The following VPS13B variants were observed in gnomAD, a reference collection of about 807,000 sequenced individuals.
VPS13B encodes the protein intermembrane lipid transfer protein VPS13B.
VPS13B carries 285 observed loss-of-function variants against 426.4 expected under a neutral mutation model. That is an observed-to-expected ratio of 0.67 (90% CI 0.61 to 0.74). VPS13B has a LOEUF of 0.74. Ranked by LOEUF, VPS13B falls within the 30% of genes least tolerant of loss-of-function variation. VPS13B has a pLI of 0.00. For missense variants in VPS13B, 4,537 were observed against 4,782.6 expected (o/e 0.95, Z 1.51); for synonymous variants, 1,676 against 1,676.4 (o/e 1.00, Z 0.01).
intron 17 of VPS13B, among the ~76,000 whole-genome samples, chr8:99,251,211 C>A (rs1817491008): frequency 6.6e-6 from 1 of 152,184 alleles, no homozygotes; most frequent in Non-Finnish European, 1.5e-5. Context: ...GGTTGAATAA[C>A]AGCAGTGACA....
At chr8:99,277,893 C>G (rs573494858) in intron 19 of VPS13B, among the ~76,000 whole-genome samples, 2 of 152,246 alleles carry the variant, frequency 1.3e-5, no homozygotes, top group East Asian at 3.9e-4. Context: ...AATGAATAAG[C>G]AAGTAACTGA....
At chr8:99,687,166 G>C (rs1831448647) in intron 35 of VPS13B, among the ~76,000 whole-genome samples, 1 of 151,986 alleles carries the variant, frequency 6.6e-6, no homozygotes, top group African/African-American at 2.4e-5. Flanking sequence ...TGGGAGCTAG[G>C]GACTAGAATG....
At chr8:99,812,054 A>G (rs1395687017) in intron 44 of VPS13B, among the ~76,000 whole-genome samples, 3 of 152,192 alleles carry the variant, frequency 2.0e-5, no homozygotes, top group Non-Finnish European at 2.9e-5. Context: ...TAATATATAC[A>G]GTGTTCCTGC....
At chr8:99,645,310 A>G (rs1829537764) in intron 34 of VPS13B, among the ~76,000 whole-genome samples, 1 of 152,226 alleles carries the variant, frequency 6.6e-6, no homozygotes, top group South Asian at 2.1e-4. Context: ...GAGATAATTC[A>G]TGAATAATTC....
intron 17 of VPS13B, among the ~76,000 whole-genome samples, chr8:99,246,420 C>G (rs1042375946): frequency 1.3e-5 from 2 of 152,090 alleles, no homozygotes; most frequent in African/African-American, 4.8e-5. Flanking sequence ...GTTTTTGATT[C>G]GAATGCAGTA....
At chr8:99,807,677 T>TTGTGTGTGTG (rs144674961) in intron 43 of VPS13B, among the ~76,000 whole-genome samples, 39 of 146,272 alleles carry the variant, frequency 2.7e-4, no homozygotes, top group South Asian at 8.8e-4. Context: ...CAGGGTGTGT[T>TTGTGTGTGTG]TGTGTGTGTG....
chr8:99,383,163 A>T (rs915435605), intron 19 of VPS13B, among the ~76,000 whole-genome samples: 1 of 152,150 alleles, frequency 6.6e-6, no homozygotes, highest in African/African-American at 2.4e-5. Context: ...AGGGACAAAA[A>T]TAGGTTAGTT....
At chr8:99,550,294 G>A (rs1178171082) in intron 30 of VPS13B, among the ~76,000 whole-genome samples, 1 of 151,938 alleles carries the variant, frequency 6.6e-6, no homozygotes, top group Non-Finnish European at 1.5e-5. Flanking sequence ...TCATTTTCAT[G>A]TAGAAAAAGA....
chr8:99,743,281 C>T (rs1809863103), intron 39 of VPS13B, among the ~76,000 whole-genome samples: 2 of 152,008 alleles, frequency 1.3e-5, no homozygotes, highest in South Asian at 2.1e-4. Flanking sequence ...TGAAGGACCT[C>T]TTCAAGGAGA....
intron 39 of VPS13B, among the ~76,000 whole-genome samples, chr8:99,734,323 G>C (rs1344546835): frequency 6.6e-6 from 1 of 152,100 alleles, no homozygotes; most frequent in African/African-American, 2.4e-5. Flanking sequence ...ACTTTACTTA[G>C]ACTCTGTTGT....
intron 30 of VPS13B, among the ~76,000 whole-genome samples, chr8:99,550,391 A>G (rs930249675): frequency 1.3e-5 from 2 of 151,860 alleles, no homozygotes; most frequent in Non-Finnish European, 2.9e-5. Flanking sequence ...AGTGACGACT[A>G]GGAGAGATTT....
At chr8:99,014,777 A>G (rs1486497699) in intron 2 of VPS13B, among the ~76,000 whole-genome samples, 1 of 151,918 alleles carries the variant, frequency 6.6e-6, no homozygotes, top group Non-Finnish European at 1.5e-5. Context: ...GAGTAGATAC[A>G]TTGAGAATGG....
chr8:99,362,236 G>C (rs1234148702), intron 19 of VPS13B, among the ~76,000 whole-genome samples: 1 of 147,580 alleles, frequency 6.8e-6, no homozygotes, highest in Non-Finnish European at 1.5e-5. Context: ...CCGCCTCCCA[G>C]TTTCACGCCA....
chr8:99,709,458 C>T lies in VPS13B; in HGVS notation c.6455-7713C>T, dbSNP rs144435627. On this transcript the variant is annotated intron_variant, in intron 36 of 61. Coordinates refer to ENST00000357162, the MANE Select transcript of VPS13B (RefSeq NM_152564.5). Reference sequence around the variant, plus strand: ...TTTAGAAGTCATGAAACTATTTGTTCCTTGAAGTAAATTTTTATACTCAAT... The same window carrying T: ...TTTAGAAGTCATGAAACTATTTGTTTCTTGAAGTAAATTTTTATACTCAAT... Among the ~76,000 whole-genome samples, 962 of 152,214 alleles carry T rather than the reference C, an allele frequency of 6.3e-3. 8 individuals carry two copies. The highest frequency in any genetic ancestry group is 0.022 in the African/African-American group (904 of 41,546).
intron 36 of VPS13B, among the ~76,000 whole-genome samples, chr8:99,701,061 G>T (rs1006489647): frequency 2.0e-5 from 3 of 152,106 alleles, no homozygotes; most frequent in Non-Finnish European, 2.9e-5. Flanking sequence ...AAAACAGAAA[G>T]GAAAAGTTTT....
intron 36 of VPS13B, among the ~76,000 whole-genome samples, chr8:99,705,895 G>A (rs961409750): frequency 2.6e-5 from 4 of 152,044 alleles, no homozygotes; most frequent in African/African-American, 4.8e-5. Context: ...TATCTAATAA[G>A]CAACAAACTT....
rs1162813826 is a variant in VPS13B, at chr8:99,818,435, G to T, written c.8362-16G>T. On this transcript the variant is annotated splice_polypyrimidine_tract_variant and intron_variant, in intron 45 of 61. Transcript: ENST00000357162. ...TGCTTAGTATTCAATAGGACCCTTT[G>T]CTATTTCATGTGCAGGTGCCATCTT... The T allele has an allele frequency of 6.2e-7, 1 of 1,612,694 alleles. No homozygotes were observed. The highest frequency in any genetic ancestry group is 8.5e-7 in the Non-Finnish European group (1 of 1,178,874).
intron 23 of VPS13B, among the ~76,000 whole-genome samples, chr8:99,454,944 G>A (rs1049639132): frequency 6.6e-6 from 1 of 152,124 alleles, no homozygotes; most frequent in Non-Finnish European, 1.5e-5. Context: ...GGTCTGTTAA[G>A]GTCTTTGGCC....
rs140138922 is a variant in VPS13B, at chr8:99,875,195, G to A, written c.11746-223G>A. 88 of 631,560 alleles carry A rather than the reference G, an allele frequency of 1.4e-4. No homozygotes were observed. In the African/African-American group the frequency reaches 1.5e-3, roughly 11 times the overall value. 39.1% of individuals were successfully genotyped at this position (631,560 alleles called of 1,614,324 possible). On this transcript the variant is annotated intron_variant, in intron 61 of 61. Coordinates refer to ENST00000357162, the MANE Select transcript of VPS13B (RefSeq NM_152564.5). Reference sequence around the variant, plus strand: ...ATGCAACACCAAATGCTTATTCTAAGGAGGCTGTCCTAAGTCTCATGCACA... The same window carrying A: ...ATGCAACACCAAATGCTTATTCTAAAGAGGCTGTCCTAAGTCTCATGCACA...
Sources: gnomAD v4.1 joint callset for allele counts (sites outside exome capture counted in the v4.1 genomes callset) on GRCh38, gnomAD v4.1.1 for gene constraint, MANE v1.5 for transcripts, NCBI Gene and HGNC (gene_info 2026-07-23, HGNC 2026-07-21) for gene names.